The following STK32C variants were observed in gnomAD, a reference collection of about 807,000 sequenced individuals.
STK32C encodes serine/threonine kinase 32C.
A neutral mutation model predicts 56.5 loss-of-function variants in STK32C; 31 were observed. That is an observed-to-expected ratio of 0.55 (90% CI 0.41 to 0.74). The LOEUF is 0.74. Among genes scored for constraint, STK32C ranks in the 30% least tolerant of loss-of-function variants. STK32C has a pLI of 0.00. For synonymous variants in STK32C, 309 were observed against 289.4 expected (o/e 1.07, Z -0.69); for missense variants, 544 against 676.9 (o/e 0.80, Z 2.18).
chr10:132,319,505 T>G (rs1564802747), downstream of STK32C, among the ~76,000 whole-genome samples: 2 of 152,208 alleles, frequency 1.3e-5, no homozygotes, highest in African/African-American at 2.4e-5. Flanking sequence ...TAAAAAGGAA[T>G]GAAATACTGA....
chr10:132,210,786 C>T (rs931447846), intron 10 of STK32C, among the ~76,000 whole-genome samples: 2 of 152,232 alleles, frequency 1.3e-5, no homozygotes, highest in Non-Finnish European at 2.9e-5. Flanking sequence ...TGGGGAGCAG[C>T]TCACGTTCCC....
At chr10:132,254,994 C>T (rs1223241207) in intron 1 of STK32C, among the ~76,000 whole-genome samples, 9 of 152,062 alleles carry the variant, frequency 5.9e-5, no homozygotes, top group African/African-American at 1.7e-4. Flanking sequence ...CCCACTCATC[C>T]GGAAGAGGCC....
intron 1 of STK32C, among the ~76,000 whole-genome samples, chr10:132,329,204 CAG>C (rs2066578711): frequency 6.6e-6 from 1 of 152,324 alleles, no homozygotes; most frequent in African/African-American, 2.4e-5. Context: ...GGCTTGAGCT[CAG>C]GAGTTCGAGA....
chr10:132,293,570 G>C (rs1156530711), intron 1 of STK32C, among the ~76,000 whole-genome samples: 2 of 152,240 alleles, frequency 1.3e-5, no homozygotes, highest in Non-Finnish European at 2.9e-5. Context: ...GACTGGGCCA[G>C]GGGAGCAAGG....
rs2065034833 is a variant in STK32C at position 132,277,796 on chromosome 10, C to T, written c.262+29776G>A. Among the ~76,000 whole-genome samples, 2 of 152,142 alleles carry T rather than the reference C, an allele frequency of 1.3e-5. 1 individual carries two copies. Reference sequence around the variant, plus strand: ...ACATGCACACATGCTCCTTTCCAAACCTCTGCCTTCAGGCTGCAGGAACCT... The same window carrying T: ...ACATGCACACATGCTCCTTTCCAAATCTCTGCCTTCAGGCTGCAGGAACCT... On this transcript the variant is annotated intron_variant, in intron 1 of 11. Transcript: ENST00000298630.
intron 1 of STK32C, among the ~76,000 whole-genome samples, chr10:132,288,418 A>G (rs556844185): frequency 1.3e-5 from 2 of 152,382 alleles, no homozygotes; most frequent in African/African-American, 4.8e-5. Context: ...GAGGAATGAG[A>G]CAAAGATGCA....
At chr10:132,328,653 T>C (rs969293848) in intron 1 of STK32C, among the ~76,000 whole-genome samples, 3 of 152,234 alleles carry the variant, frequency 2.0e-5, no homozygotes, top group African/African-American at 7.2e-5. Flanking sequence ...TGCCCAGGAA[T>C]GAACAAGGAC....
chr10:132,270,543 G>C (rs867789902), intron 1 of STK32C, among the ~76,000 whole-genome samples: 4 of 152,346 alleles, frequency 2.6e-5, no homozygotes, highest in Middle Eastern at 3.4e-3. Flanking sequence ...GGGAACCGCA[G>C]GGTATGGCCG....
At chr10:132,310,314 C>T (rs942100926), upstream of STK32C, among the ~76,000 whole-genome samples, 1 of 152,230 alleles carries the variant, frequency 6.6e-6, no homozygotes, top group Non-Finnish European at 1.5e-5. The surrounding 1 kb of genome is among the most constrained non-coding windows in gnomAD (Gnocchi z 4.6). Context: ...AAGATTTGGC[C>T]AGTGCAGATC....
At chr10:132,292,868 C>G (rs900176322) in intron 1 of STK32C, among the ~76,000 whole-genome samples, 2 of 152,100 alleles carry the variant, frequency 1.3e-5, no homozygotes, top group Non-Finnish European at 2.9e-5. Context: ...CCAAGCCCCG[C>G]GACGACCCGC....
intron 1 of STK32C, among the ~76,000 whole-genome samples, chr10:132,262,599 CAAAT>C (rs958051430): frequency 1.3e-5 from 2 of 151,924 alleles, no homozygotes; most frequent in African/African-American, 2.4e-5. Context: ...AAGCAACAAA[CAAAT>C]AAACCTATTA....
At chr10:132,213,409 ACT>A (rs996715048) in intron 10 of STK32C, among the ~76,000 whole-genome samples, 2 of 152,132 alleles carry the variant, frequency 1.3e-5, no homozygotes, top group Non-Finnish European at 2.9e-5. Context: ...CAAGACGCAG[ACT>A]CTCTCTGAGG....
At chr10:132,258,664 G>C (rs2064205902) in intron 1 of STK32C, among the ~76,000 whole-genome samples, 1 of 152,264 alleles carries the variant, frequency 6.6e-6, no homozygotes, top group Non-Finnish European at 1.5e-5. Flanking sequence ...TAACGCCCTG[G>C]GTACCGACTG....
chr10:132,208,559 G>T (rs2062180177), intron 11 of STK32C, among the ~76,000 whole-genome samples: 1 of 152,172 alleles, frequency 6.6e-6, no homozygotes, highest in South Asian at 2.1e-4. Flanking sequence ...TCCTCCAGGA[G>T]GCCCTCCTTG....
downstream of STK32C, among the ~76,000 whole-genome samples, chr10:132,319,569 T>C (rs574840248): frequency 1.3e-5 from 2 of 152,176 alleles, no homozygotes; most frequent in South Asian, 4.1e-4. Flanking sequence ...TAAAACCAGA[T>C]GAAAAGACGA....
At chr10:132,315,613 A>AT (rs2066296764) in intron 1 of STK32C, among the ~76,000 whole-genome samples, 1 of 152,240 alleles carries the variant, frequency 6.6e-6, no homozygotes, top group Non-Finnish European at 1.5e-5. Flanking sequence ...ACGCACAGTC[A>AT]TAGTAGTAGA....
At chr10:132,294,056 T>C (rs2065656734) in intron 1 of STK32C, among the ~76,000 whole-genome samples, 1 of 152,068 alleles carries the variant, frequency 6.6e-6, no homozygotes. Flanking sequence ...CGAGTGGCAA[T>C]GTCGAGTCGG....
At chr10:132,239,446 G>T (rs1472188214) in intron 2 of STK32C, among the ~76,000 whole-genome samples, 1 of 152,218 alleles carries the variant, frequency 6.6e-6, no homozygotes, top group Non-Finnish European at 1.5e-5. Context: ...CCCAACTAAT[G>T]GAGTCCAGAA....
At chr10:132,221,451 C>A (rs368266986) in intron 10 of STK32C, among the ~76,000 whole-genome samples, 2 of 145,962 alleles carry the variant, frequency 1.4e-5, no homozygotes, top group Non-Finnish European at 3.0e-5. Flanking sequence ...CCTGCACACA[C>A]TCACAACTGA....
Sources: allele counts gnomAD v4.1 joint callset (sites outside exome capture counted in the v4.1 genomes callset), GRCh38; gene constraint gnomAD v4.1.1; non-coding constraint Gnocchi (gnomAD v3.1); transcripts MANE v1.5; gene names NCBI Gene and HGNC (gene_info 2026-07-23, HGNC 2026-07-21).